The following LAMC2 variants were observed in gnomAD, a reference collection of about 807,000 sequenced individuals.
LAMC2 encodes laminin subunit gamma 2.
A neutral mutation model predicts 140.2 loss-of-function variants in LAMC2; 97 were observed. The observed-to-expected ratio is 0.69, with a 90% CI of 0.59 to 0.82. LAMC2 has a LOEUF of 0.82. Among genes scored for constraint, LAMC2 ranks in the 40% least tolerant of loss-of-function variants. The pLI is 0.00. For synonymous variants in LAMC2, 513 were observed against 540.2 expected, an observed-to-expected ratio of 0.95 and a Z score of 0.70; for missense variants, 1,402 against 1,476.1, an observed-to-expected ratio of 0.95 and a Z score of 0.82.
chr1:183,239,129 G>A (rs906786655), intron 19 of LAMC2, among the ~76,000 whole-genome samples: 1 of 152,170 alleles, frequency 6.6e-6, no homozygotes, highest in South Asian at 2.1e-4. Context: ...CAATACTCTT[G>A]CAGTGCTGTG....
intron 22 of LAMC2, among the ~76,000 whole-genome samples, chr1:183,242,266 G>T (rs1163947150): frequency 6.6e-6 from 1 of 152,198 alleles, no homozygotes; most frequent in East Asian, 1.9e-4. Flanking sequence ...CCAAGTGAAA[G>T]ATCCATTTGG....
chr1:183,190,982 T>TA (rs1658313173), intron 1 of LAMC2, among the ~76,000 whole-genome samples: 1 of 152,224 alleles, frequency 6.6e-6, no homozygotes, highest in Non-Finnish European at 1.5e-5. Flanking sequence ...GAAAGGCTTA[T>TA]ATGCAACACC....
Position 183,231,057 on chromosome 1 carries a change from A to G in LAMC2, c.1811A>G (p.His604Arg), listed in dbSNP as rs759371657. 1 of 1,614,152 alleles carries G rather than the reference A, an allele frequency of 6.2e-7. No homozygotes were observed. Among genetic ancestry groups the G allele is most frequent in the South Asian group, 1.1e-5 (1 of 91,086 alleles). ...KPGFGGPNCE[H>R]GAFSCPACYN... ...GGATTTGGTGGCCCCAACTGTGAGC[A>G]TGGAGCATTCAGCTGTCCAGCTTGC... Residue 604 changes from histidine (H) to arginine (R), a missense_variant, in exon 12 of 23, where the codon CAT becomes CGT. This residue lies in a region of LAMC2 where 723 missense variants were observed against 783.3 expected (regional missense o/e 0.92). Transcript: ENST00000264144.
intron 2 of LAMC2, among the ~76,000 whole-genome samples, chr1:183,212,468 C>A (rs57976149): frequency 6.6e-6 from 1 of 152,120 alleles, no homozygotes; most frequent in Non-Finnish European, 1.5e-5. Context: ...CCTTAGACCT[C>A]TCCTCCCTGC....
At chr1:183,214,863 A>G (rs1327486501) in intron 2 of LAMC2, among the ~76,000 whole-genome samples, 1 of 152,176 alleles carries the variant, frequency 6.6e-6, no homozygotes, top group Admixed American at 6.5e-5. Context: ...AACTAGGAGC[A>G]TATCTGTAAA....
chr1:183,218,559 C>T lies in LAMC2; in HGVS notation c.503+71C>T, dbSNP rs1046729626. The T allele has an allele frequency of 1.3e-5, 15 of 1,140,640 alleles. No homozygotes were observed. In the Admixed American group the frequency reaches 1.7e-4, roughly 13 times the overall value. The allele number at this position is 1,140,640 out of a possible 1,614,324, so 70.7% of individuals were successfully genotyped here. A position where few individuals can be genotyped will look rare whatever the true frequency, so the allele number is the denominator to read the frequency against. The stretch of plus-strand genomic sequence containing the variant: ...CCAACTAGCATGAGAATTAATCCTC[C>T]GAGTGTAATTATGGAAAAGGGATAC... On this transcript the variant is annotated intron_variant, in intron 4 of 22. Coordinates refer to ENST00000264144, the MANE Select transcript of LAMC2 (RefSeq NM_005562.3).
At chr1:183,242,318 C>T (rs1660152949) in intron 22 of LAMC2, among the ~76,000 whole-genome samples, 2 of 152,196 alleles carry the variant, frequency 1.3e-5, no homozygotes, top group African/African-American at 4.8e-5. Flanking sequence ...TCTGTGTGCT[C>T]TCTTAAGTCC....
At position 183,186,468 on chromosome 1, in the gene LAMC2, G is replaced by A. The variant is rs773888225; in HGVS notation, c.79+37G>A. 1.9e-6 allele frequency: 3 copies of A among 1,596,492 alleles called. No homozygotes were observed. The East Asian group carries it at 6.7e-5, about 36-fold the overall frequency. ...TCCACAAGGAAACATCTCAGCCCTG[G>A]GCTGAGAATCTGCCTTTCTCTGCAG... On this transcript the variant is annotated intron_variant, in intron 1 of 22. Coordinates refer to ENST00000264144, the MANE Select transcript of LAMC2 (RefSeq NM_005562.3).
At chr1:183,202,893 A>C (rs1207563967) in intron 1 of LAMC2, among the ~76,000 whole-genome samples, 2 of 152,234 alleles carry the variant, frequency 1.3e-5, no homozygotes, top group Admixed American at 1.3e-4. Context: ...GGGAAGGTCC[A>C]AGACAACCAT....
intron 19 of LAMC2, among the ~76,000 whole-genome samples, 197 bp downstream of exon 19, chr1:183,238,618 C>T (rs1384104793): frequency 6.6e-6 from 1 of 152,158 alleles, no homozygotes; most frequent in Non-Finnish European, 1.5e-5. Flanking sequence ...ATGTCAGAAG[C>T]CTTGAGTTCT....
At chr1:183,227,373 G>C (rs1379220918) in intron 9 of LAMC2, 142 bp from the exon 10 acceptor site, 1 of 822,540 alleles carries the variant, frequency 1.2e-6, no homozygotes, top group South Asian at 1.3e-5. Flanking sequence ...TCTATGGGAG[G>C]GGTGAATGCC....
chr1:183,243,346 T>C lies in LAMC2; in HGVS notation c.3528T>C (p.Ile1176=), dbSNP rs145316552. 7 of 1,614,048 alleles carry C rather than the reference T, an allele frequency of 4.3e-6. No homozygotes were observed. Among genetic ancestry groups the C allele is most frequent in the Non-Finnish European group, 5.9e-6 (7 of 1,180,050 alleles). ...CTGATGTGAAGAACTTGGAGAACAT[T>C]AGGGACAACCTGCCCCCAGGCTGCT... ...ILADVKNLEN[I]RDNLPPGCYN... is the part of the protein sequence containing the mutation. Residue 1176 remains isoleucine, a synonymous_variant, in exon 23 of 23, where the codon ATT becomes ATC. Transcript: ENST00000264144.
downstream of LAMC2, among the ~76,000 whole-genome samples, chr1:183,245,481 T>G (rs556945468): frequency 6.6e-6 from 1 of 152,318 alleles, no homozygotes; most frequent in East Asian, 1.9e-4. Flanking sequence ...GCCCTGCCAT[T>G]TACATGTGAC....
At chr1:183,208,099 G>A (rs1658954814) in intron 2 of LAMC2, 30 bp downstream of exon 2, 1 of 1,583,664 alleles carries the variant, frequency 6.3e-7, no homozygotes, top group Non-Finnish European at 8.7e-7. Context: ...AGAGGGAGAG[G>A]GAGATGGAGC....
intron 1 of LAMC2, among the ~76,000 whole-genome samples, chr1:183,201,011 A>G (rs975637236): frequency 1.3e-5 from 2 of 152,172 alleles, no homozygotes; most frequent in African/African-American, 4.8e-5. Context: ...TCCGTTTCAG[A>G]TGGGTTTATG....
chr1:183,234,406 T>A lies in LAMC2; in HGVS notation c.2260T>A (p.Phe754Ile). The A allele has an allele frequency of 6.2e-7, 1 of 1,614,198 alleles. No individual in the cohort carries two copies. Among genetic ancestry groups the A allele is most frequent in the Non-Finnish European group, 8.5e-7 (1 of 1,180,020 alleles). ...ASDHYVGPNG[F>I]KSLAQEATRL... Reference sequence around the variant, plus strand: ...AGACCACTACGTGGGGCCAAATGGCTTTAAAAGTCTGGCTCAGGAGGCCAC... The same window carrying A: ...AGACCACTACGTGGGGCCAAATGGCATTAAAAGTCTGGCTCAGGAGGCCAC... Residue 754 changes from phenylalanine (F) to isoleucine (I), a missense_variant, in exon 15 of 23, where the codon TTT (phenylalanine) becomes ATT (isoleucine). This residue lies in a region of LAMC2 where 670 missense variants were observed against 667.2 expected (regional missense o/e 1.00). Coordinates refer to ENST00000264144, the MANE Select transcript of LAMC2 (RefSeq NM_005562.3).
At chr1:183,237,298 G>T (rs1462381456) in intron 17 of LAMC2, 54 bp from the exon 18 acceptor site, 3 of 1,598,152 alleles carry the variant, frequency 1.9e-6, no homozygotes, top group African/African-American at 2.7e-5. Flanking sequence ...TAACAAGGCT[G>T]GTGTGGTAAC....
At chr1:183,241,905 A>T (rs1660145052) in intron 22 of LAMC2, among the ~76,000 whole-genome samples, 1 of 152,178 alleles carries the variant, frequency 6.6e-6, no homozygotes, top group South Asian at 2.1e-4. Context: ...AGAGAATATG[A>T]GAGAGTAGGG....
intron 1 of LAMC2, among the ~76,000 whole-genome samples, chr1:183,198,584 G>A (rs1489802483): frequency 2.0e-5 from 3 of 152,174 alleles, no homozygotes; most frequent in Non-Finnish European, 4.4e-5. Context: ...AAAGCACTAC[G>A]TAATAGCAAC....
Sources: gnomAD v4.1 joint callset for allele counts (sites outside exome capture counted in the v4.1 genomes callset) on GRCh38, gnomAD v4.1.1 for gene constraint, gnomAD v4.1.1 regional missense constraint, MANE v1.5 for transcripts, NCBI Gene and HGNC (gene_info 2026-07-23, HGNC 2026-07-21) for gene names.